The following ZNF469 variants were observed in gnomAD, a reference collection of about 807,000 sequenced individuals.
ZNF469 encodes zinc finger protein 469.
A neutral mutation model predicts 1.0 loss-of-function variants in ZNF469; 1 was observed. That is an observed-to-expected ratio of 1.00 (90% CI 0.35 to 4.73). The LOEUF (loss-of-function observed/expected upper bound fraction) is 4.73, where lower values mean the gene tolerates loss of function less well. Ranked by LOEUF, ZNF469 falls within the 30% of genes most tolerant of loss-of-function variation. The pLI is 0.16. For synonymous variants in ZNF469, 2,703 were observed against 2,363.4 expected (o/e 1.14, Z -4.17); for missense variants, 6,100 against 5,356.3 (o/e 1.14, Z -4.33).
the ZNF469 span, among the ~76,000 whole-genome samples, chr16:88,204,992 A>G: frequency 3.9e-5 from 6 of 152,144 alleles, no homozygotes; most frequent in African/African-American, 1.2e-4. Context: ...TTTATAATGT[A>G]AAAATCAGTG....
chr16:88,367,989 G>A, the ZNF469 span, among the ~76,000 whole-genome samples: 13 of 152,282 alleles, frequency 8.5e-5, no homozygotes, highest in African/African-American at 2.2e-4. Flanking sequence ...AAGCACGCCC[G>A]ATCTCAACTC....
the ZNF469 span, among the ~76,000 whole-genome samples, chr16:88,206,640 G>A: frequency 2.6e-5 from 4 of 151,706 alleles, no homozygotes; most frequent in African/African-American, 4.9e-5. Context: ...GGTTTGTCAC[G>A]ACTCGACTCT....
At chr16:88,221,539 G>T in the ZNF469 span, among the ~76,000 whole-genome samples, 1 of 152,224 alleles carries the variant, frequency 6.6e-6, no homozygotes, top group African/African-American at 2.4e-5. Context: ...TCCAGACTGT[G>T]CCGGAGAAGG....
At chr16:88,395,507 A>C (rs1012077417) in intron 1 of ZNF469, among the ~76,000 whole-genome samples, 4 of 152,186 alleles carry the variant, frequency 2.6e-5, no homozygotes, top group Non-Finnish European at 5.9e-5. Context: ...GTACAAATAT[A>C]AATTATATAA....
chr16:88,161,189 C>G, the ZNF469 span, among the ~76,000 whole-genome samples: 2 of 150,652 alleles, frequency 1.3e-5, no homozygotes, highest in African/African-American at 2.4e-5. Context: ...TTTATTAATT[C>G]CATTGAAAAG....
the ZNF469 span, among the ~76,000 whole-genome samples, chr16:88,322,029 G>A: frequency 6.6e-6 from 1 of 152,178 alleles, no homozygotes; most frequent in African/African-American, 2.4e-5. Flanking sequence ...GAGGGCCCTG[G>A]GCATGAGAGA....
the ZNF469 span, among the ~76,000 whole-genome samples, chr16:88,287,504 C>T: frequency 6.6e-6 from 1 of 152,262 alleles, no homozygotes; most frequent in African/African-American, 2.4e-5. Context: ...CTTGTAGCAC[C>T]TGCTACCCTT....
chr16:88,242,756 G>T, the ZNF469 span, among the ~76,000 whole-genome samples: 1 of 152,254 alleles, frequency 6.6e-6, no homozygotes, highest in Non-Finnish European at 1.5e-5. Flanking sequence ...GAAAGCATGA[G>T]GCATCTCCGG....
At chr16:88,248,126 G>A in the ZNF469 span, among the ~76,000 whole-genome samples, 2 of 152,080 alleles carry the variant, frequency 1.3e-5, no homozygotes, top group African/African-American at 4.8e-5. Flanking sequence ...CTGACTTTGG[G>A]GGCTTGTGAA....
the ZNF469 span, among the ~76,000 whole-genome samples, chr16:88,202,359 C>G: frequency 5.9e-5 from 9 of 152,144 alleles, no homozygotes; most frequent in African/African-American, 2.2e-4. Flanking sequence ...CCGGGGGCTG[C>G]TTAGAGTGAG....
intron 1 of ZNF469, among the ~76,000 whole-genome samples, chr16:88,407,388 C>T (rs1474850365): frequency 6.6e-6 from 1 of 152,252 alleles, no homozygotes; most frequent in Non-Finnish European, 1.5e-5. Context: ...AGGAGCAAGC[C>T]TGGACAGGGA....
At chr16:88,287,256 G>C in the ZNF469 span, among the ~76,000 whole-genome samples, 109,527 of 152,190 alleles carry the variant, frequency 0.72, 40,000 homozygotes, top group East Asian at 0.92. Flanking sequence ...GTCTACCCAA[G>C]TCTCCTGTCA....
the ZNF469 span, among the ~76,000 whole-genome samples, chr16:88,124,864 G>A: frequency 2.0e-5 from 3 of 152,216 alleles, no homozygotes; most frequent in South Asian, 2.1e-4. Flanking sequence ...GATTACAGGC[G>A]TGAGCCACTG....
chr16:88,387,415 G>C (rs538004759), intron 1 of ZNF469, among the ~76,000 whole-genome samples: 1 of 152,154 alleles, frequency 6.6e-6, no homozygotes, highest in Non-Finnish European at 1.5e-5. Context: ...GACTCGGGCC[G>C]CGGTCAGCAC....
chr16:88,180,556 GA>G, the ZNF469 span, among the ~76,000 whole-genome samples: 2 of 152,176 alleles, frequency 1.3e-5, no homozygotes, highest in African/African-American at 4.8e-5. Context: ...TGGATCACCT[GA>G]GGTCAGGAGT....
chr16:88,306,893 T>G, the ZNF469 span, among the ~76,000 whole-genome samples: 1 of 152,210 alleles, frequency 6.6e-6, no homozygotes, highest in African/African-American at 2.4e-5. Flanking sequence ...TAATTCAGTG[T>G]TTTTTTGTGA....
At chr16:88,104,614 C>T in the ZNF469 span, among the ~76,000 whole-genome samples, 907 of 152,376 alleles carry the variant, frequency 6.0e-3, 9 homozygotes, top group African/African-American at 0.021. Flanking sequence ...CCTCGCTCAG[C>T]GTCACATTCC....
the ZNF469 span, among the ~76,000 whole-genome samples, chr16:88,334,112 G>A: frequency 9.2e-5 from 14 of 152,056 alleles, no homozygotes; most frequent in Admixed American, 9.2e-4. Flanking sequence ...GTGTCTGTGT[G>A]TCTGTGTCTG....
the ZNF469 span, among the ~76,000 whole-genome samples, chr16:88,229,694 G>GGATGTCACACGTGTGTGCT: frequency 1.3e-5 from 2 of 151,660 alleles, no homozygotes; most frequent in Admixed American, 1.3e-4. Context: ...CCATACGTGT[G>GGATGTCACACGTGTGTGCT]GATGTCACAC....
Sources: allele counts gnomAD v4.1 joint callset (sites outside exome capture counted in the v4.1 genomes callset), GRCh38; gene constraint gnomAD v4.1.1; transcripts MANE v1.5; gene names NCBI Gene and HGNC (gene_info 2026-07-23, HGNC 2026-07-21).